The following CDC27 variants were observed in gnomAD, a reference collection of about 807,000 sequenced individuals.
CDC27 encodes the protein cell division cycle protein 27 homolog.
In CDC27, 27 loss-of-function variants were observed where a neutral mutation model predicts 109.7. The ratio of observed to expected loss-of-function variants is 0.25; its 90% confidence interval spans 0.18 to 0.34. The LOEUF (loss-of-function observed/expected upper bound fraction) is 0.34. CDC27 is among the 10% of genes least tolerant of loss of function. The probability of loss-of-function intolerance (pLI) is 1.00; values close to 1 mark genes in which losing one functional copy is unlikely to be tolerated. For synonymous variants in CDC27, 266 were observed against 333.9 expected, an observed-to-expected ratio of 0.80 and a Z score of 2.22; for missense variants, 579 against 960.2, an observed-to-expected ratio of 0.60 and a Z score of 5.25.
At chr17:47,179,593 A>G (rs2064147056) in intron 2 of CDC27, among the ~76,000 whole-genome samples, 1 of 152,250 alleles carries the variant, frequency 6.6e-6, no homozygotes, top group African/African-American at 2.4e-5. Context: ...TAGAGTACCT[A>G]GTATACAGTA....
chr17:47,151,042 A>G (rs1401019662), intron 9 of CDC27, among the ~76,000 whole-genome samples: 1 of 152,230 alleles, frequency 6.6e-6, no homozygotes, highest in Non-Finnish European at 1.5e-5. Context: ...CCATAAAAAA[A>G]AGAGCTGATG....
At chr17:47,138,174 A>T (rs1231937034) in intron 13 of CDC27, among the ~76,000 whole-genome samples, 1 of 152,142 alleles carries the variant, frequency 6.6e-6, no homozygotes, top group Non-Finnish European at 1.5e-5. Flanking sequence ...TATAATCCAC[A>T]ATCTATCTCT....
chr17:47,152,899 C>T (rs1045953920), intron 8 of CDC27, among the ~76,000 whole-genome samples: 2 of 152,122 alleles, frequency 1.3e-5, no homozygotes, highest in African/African-American at 2.4e-5. Context: ...CTCTGTTCTC[C>T]TTAGCTACTC....
rs1226012516 is a variant in CDC27 at position 47,118,575 on chromosome 17, T to TG, written c.*2359dup. ...TCATGGCAAAAACCACAATTACTTA[T>TG]GCACCAACCTAATATATGTGTGAAA... On this transcript the variant is annotated 3_prime_UTR_variant, in exon 19 of 19. Transcript: ENST00000066544. The TG allele has an allele frequency of 1.2e-4, 19 of 152,648 alleles. No homozygotes were observed. Among genetic ancestry groups the TG allele is most frequent in the African/African-American group, 4.3e-4 (18 of 41,454 alleles). The allele number at this position is 152,648 out of a possible 1,614,324, so 9.5% of individuals were successfully genotyped here.
intron 2 of CDC27, among the ~76,000 whole-genome samples, chr17:47,174,739 T>C (rs2063927865): frequency 6.6e-6 from 1 of 152,118 alleles, no homozygotes; most frequent in Non-Finnish European, 1.5e-5. Context: ...GTGGATCACC[T>C]GAGGTCAAGA....
chr17:47,175,056 AGG>A (rs2063950903), intron 2 of CDC27, among the ~76,000 whole-genome samples: 2 of 105,538 alleles, frequency 1.9e-5, no homozygotes, highest in Admixed American at 1.7e-4. Flanking sequence ...GAAGGAAGGA[AGG>A]AAGGAAGGAA....
intron 9 of CDC27, among the ~76,000 whole-genome samples, chr17:47,147,385 C>T (rs1291717200): frequency 6.8e-6 from 1 of 146,594 alleles, no homozygotes. Context: ...GGCGACAGAG[C>T]GAAACTCCGT....
intron 16 of CDC27, among the ~76,000 whole-genome samples, chr17:47,127,099 A>G (rs1202544856): frequency 6.6e-6 from 1 of 151,702 alleles, no homozygotes; most frequent in Non-Finnish European, 1.5e-5. Flanking sequence ...TGGCCCTAAA[A>G]GAAGGTTTTT....
At chr17:47,122,700 G>T in intron 17 of CDC27, 100 bp from the exon 18 acceptor site, 1 of 851,442 alleles carries the variant, frequency 1.2e-6, no homozygotes, top group Non-Finnish European at 1.6e-6. Flanking sequence ...TTGAGATGGA[G>T]TCTCACTCTA....
chr17:47,187,549 G>A lies in CDC27; in HGVS notation c.27+1597C>T, dbSNP rs565582634. 5.3e-5 allele frequency among the ~76,000 whole-genome samples: 8 copies of A among 152,040 alleles called. No homozygotes were observed. The South Asian group carries it at 1.0e-3, about 20-fold the overall frequency. The stretch of plus-strand genomic sequence containing the variant: ...ACTCCTGACCTCAGGTGATCCACCC[G>A]CCTCAGCCTCCCAAAGTGCTGGGAT... On this transcript the variant is annotated intron_variant, in intron 1 of 18. Coordinates refer to ENST00000066544, the MANE Select transcript of CDC27 (RefSeq NM_001256.6).
At chr17:47,159,682 CT>C in intron 4 of CDC27, 1 of 433,718 alleles carries the variant, frequency 2.3e-6, no homozygotes, top group East Asian at 5.8e-5. Context: ...CATTGTAGTC[CT>C]CGATGGCAAC....
intron 7 of CDC27, among the ~76,000 whole-genome samples, chr17:47,156,374 G>C (rs981747545): frequency 3.0e-4 from 45 of 151,812 alleles, no homozygotes; most frequent in Non-Finnish European, 1.5e-5. Flanking sequence ...TCCTGACCTC[G>C]TGATCTGCCC....
At chr17:47,166,222 T>C (rs2063642085) in intron 4 of CDC27, among the ~76,000 whole-genome samples, 2 of 152,168 alleles carry the variant, frequency 1.3e-5, no homozygotes, top group South Asian at 4.1e-4. Context: ...TTTCTTCTTG[T>C]TCTGTTTTCT....
Position 47,119,631 on chromosome 17 carries a change from G to T in CDC27, c.*1304C>A, listed in dbSNP as rs2061942411. 1 of 152,054 alleles carries T rather than the reference G, an allele frequency of 6.6e-6. No homozygotes were observed. The highest frequency in any genetic ancestry group is 1.5e-5 in the Non-Finnish European group (1 of 67,998). The allele number at this position is 152,054 out of a possible 1,614,324, so 9.4% of individuals were successfully genotyped here. A position where few individuals can be genotyped will look rare whatever the true frequency, so the allele number is the denominator to read the frequency against. ...AAAATTTCAATACATTACAGTAAAG[G>T]AGATAAACAATTTAAGACTGTTTAA... On this transcript the variant is annotated 3_prime_UTR_variant, in exon 19 of 19. Transcript: ENST00000066544.
intron 14 of CDC27, among the ~76,000 whole-genome samples, chr17:47,133,060 TATAC>T (rs1568374596): frequency 4.3e-4 from 20 of 46,796 alleles, no homozygotes; most frequent in Non-Finnish European, 6.9e-4. Flanking sequence ...CACACATACA[TATAC>T]ACACACACAC....
intron 8 of CDC27, among the ~76,000 whole-genome samples, chr17:47,153,999 G>A (rs548015932): frequency 2.6e-5 from 4 of 151,654 alleles, no homozygotes; most frequent in African/African-American, 9.7e-5. Context: ...TAAGGTGGAA[G>A]GATCACTTGA....
intron 1 of CDC27, chr17:47,188,932 C>A: frequency 1.4e-6 from 2 of 1,387,320 alleles, no homozygotes; most frequent in Non-Finnish European, 1.9e-6. Flanking sequence ...GCCGAAGCCG[C>A]TCACGCTAAG....
chr17:47,169,837 T>A, intron 4 of CDC27, 80 bp downstream of exon 4: 1 of 1,211,046 alleles, frequency 8.3e-7, no homozygotes, highest in South Asian at 1.7e-5. Flanking sequence ...TGATAAACAC[T>A]GATCAACATA....
At chr17:47,181,169 C>T (rs1423552810) in intron 2 of CDC27, 7 of 137,584 alleles carry the variant, frequency 5.1e-5, no homozygotes, top group South Asian at 4.8e-4. Context: ...GTGGGAGGAT[C>T]GCTTGAGCCT....
Sources: allele counts gnomAD v4.1 joint callset (sites outside exome capture counted in the v4.1 genomes callset), GRCh38; gene constraint gnomAD v4.1.1; transcripts MANE v1.5; gene names NCBI Gene and HGNC (gene_info 2026-07-23, HGNC 2026-07-21).